UBA7: variants seen among roughly 807,000 people sequenced by gnomAD.
UBA7 encodes the protein ubiquitin like modifier activating enzyme 7.
UBA7 carries 88 observed loss-of-function variants against 113.0 expected under a neutral mutation model. The ratio of observed to expected loss-of-function variants is 0.78; its 90% confidence interval spans 0.66 to 0.93. The LOEUF (loss-of-function observed/expected upper bound fraction) is 0.93. Among genes scored for constraint, UBA7 ranks in the 40% least tolerant of loss-of-function variants. UBA7 has a pLI of 0.00. For synonymous variants in UBA7, 459 were observed against 513.0 expected (o/e 0.89, Z 1.42); for missense variants, 1,092 against 1,266.4 (o/e 0.86, Z 2.09).
At position 49,811,362 on chromosome 3, in the gene UBA7, G is replaced by A. The variant is rs61760189; in HGVS notation, c.1033C>T (p.Leu345=). 9 of 1,614,040 alleles carry A rather than the reference G, an allele frequency of 5.6e-6. No homozygotes were observed. Among genetic ancestry groups the A allele is most frequent in the Non-Finnish European group, 7.6e-6 (9 of 1,180,016 alleles). The part of the protein sequence containing the change: ...EPLEEPLDEA[L]VRTVALSSAG... The stretch of plus-strand genomic sequence containing the variant: ...CTGCTTAGGGCGACTGTCCGCACTA[G>A]GGCCTCATCCAGTGGCTCTTCCAGT... Residue 345 remains leucine, a synonymous_variant, in exon 9 of 24, where the codon CTA becomes TTA. Coordinates refer to ENST00000333486, the MANE Select transcript of UBA7 (RefSeq NM_003335.3).
At position 49,805,452 on chromosome 3, in the gene UBA7, T is replaced by G. The variant is rs79296174; in HGVS notation, c.2910-15A>C. 7.0e-7 allele frequency: 1 copy of G among 1,433,796 alleles called. No homozygotes were observed. 88.8% of individuals were successfully genotyped at this position (1,433,796 alleles called of 1,614,324 possible). On this transcript the variant is annotated splice_polypyrimidine_tract_variant and intron_variant, in intron 23 of 23. Coordinates refer to ENST00000333486, the MANE Select transcript of UBA7 (RefSeq NM_003335.3). ...GTTCTGTCACCCTGGTAGGGGTGGG[T>G]TTAGGGGAGATTGGAGAGGTGAGCC... is the stretch of plus-strand genomic sequence containing the variant.
Position 49,812,587 on chromosome 3 carries a change from T to A in UBA7, c.559-44A>T, listed in dbSNP as rs200929679. The A allele has an allele frequency of 2.4e-4, 380 of 1,613,930 alleles. 1 individual carries two copies. The highest frequency in any genetic ancestry group is 1.2e-4 in the Admixed American group (7 of 59,988). ...GGCTCAGGGTTGCCTGGACCTGCCTTCCACAGGCCCTGGCAGCCTCTCCTT... is the reference window on the plus strand; with the variant it reads ...GGCTCAGGGTTGCCTGGACCTGCCTACCACAGGCCCTGGCAGCCTCTCCTT... On this transcript the variant is annotated intron_variant, in intron 5 of 23. Transcript: ENST00000333486.
Position 49,809,569 on chromosome 3 carries a change from C to T in UBA7, c.2061G>A (p.Gln687=), listed in dbSNP as rs1273021921. Residue 687 remains glutamine (Q), a synonymous_variant, in exon 16 of 24, where the codon CAG becomes CAA. Transcript: ENST00000333486. Reference sequence around the variant, plus strand: ...TATTAGGTGGGAAGTGCCTCAGCAGCTGTTTGATGCCATAATGAAAGCAGA... The same window carrying T: ...TATTAGGTGGGAAGTGCCTCAGCAGTTGTTTGATGCCATAATGAAAGCAGA... ...WKLCFHYGIK[Q]LLRHFPPNKV... is the part of the protein sequence containing the mutation. The T allele has an allele frequency of 1.2e-5, 20 of 1,614,032 alleles. No homozygotes were observed. Among genetic ancestry groups the T allele is most frequent in the Non-Finnish European group, 1.7e-5 (20 of 1,180,050 alleles).
rs1368476147 is a variant in UBA7, at chr3:49,807,665, G to A, written c.2715+71C>T. On this transcript the variant is annotated intron_variant, in intron 21 of 23. Transcript: ENST00000333486. This position sits in a 1 kb window ranked among gnomAD's most constrained non-coding sequence, Gnocchi z 4.0. ...TTCAGTGAGAGCCGGCAGCTAGATT[G>A]GGGCCTGTATGGGCAGGTGCAGGGG... The A allele has an allele frequency of 2.0e-6, 3 of 1,505,932 alleles. No homozygotes were observed. Among genetic ancestry groups the A allele is most frequent in the South Asian group, 2.7e-5 (2 of 75,258 alleles). The allele number at this position is 1,505,932 out of a possible 1,614,324, so 93.3% of individuals were successfully genotyped here. A position where few individuals can be genotyped will look rare whatever the true frequency, so the allele number is the denominator to read the frequency against.
At position 49,809,113 on chromosome 3, in the gene UBA7, T is replaced by C. The variant is rs1364417586; in HGVS notation, c.2210A>G (p.Gln737Arg). The change falls in exon 18 of 24, where the codon CAG becomes CGG. Residue 737 changes from glutamine (Q) to arginine (R), a missense_variant. Physicochemically the swap from Gln to Arg is conservative, Grantham distance 43. Coordinates refer to ENST00000333486, the MANE Select transcript of UBA7 (RefSeq NM_003335.3). ...CTGTGAGCCAGGCAGCCCATGCATC[T>C]GGGCATACAGGTTGGCAGCTGCCAG... Reference protein sequence around the residue: ...YVLAAANLYAQMHGLPGSQDW... With the variant: ...YVLAAANLYARMHGLPGSQDW... 7 of 1,613,476 alleles carry C rather than the reference T, an allele frequency of 4.3e-6. No homozygotes were observed. Among genetic ancestry groups the C allele is most frequent in the Non-Finnish European group, 1.7e-6 (2 of 1,179,852 alleles).
intron 4 of UBA7, 66 bp from the exon 5 acceptor site, chr3:49,812,804 G>A: frequency 6.4e-7 from 1 of 1,562,644 alleles, no homozygotes; most frequent in Non-Finnish European, 8.8e-7. Flanking sequence ...GGGGATACTA[G>A]GGCAGGGCCA....
chr3:49,809,660 C>T lies in UBA7; in HGVS notation c.1970G>A (p.Gly657Glu). The T allele has an allele frequency of 6.2e-7, 1 of 1,614,130 alleles. No homozygotes were observed. The highest frequency in any genetic ancestry group is 8.5e-7 in the Non-Finnish European group (1 of 1,180,036). Residue 657 changes from glycine to glutamate, a missense_variant, in exon 16 of 24, where the codon GGG (glycine) becomes GAG (glutamate). This residue lies in a region of UBA7 where 500 missense variants were observed against 529.3 expected (regional missense o/e 0.94). Transcript: ENST00000333486. ...GTTCTGTGGACGCACTCTCAGGACC[C>T]CAAGCACTGGCTTCAGTAAGGTGAG... ...QTLTLLKPVL[G>E]VLRVRPQNWQ...
At position 49,812,035 on chromosome 3, in the gene UBA7, C is replaced by T. The variant is rs1469151984; in HGVS notation, c.793-19G>A. 2 of 1,614,084 alleles carry T rather than the reference C, an allele frequency of 1.2e-6. No homozygotes were observed. Among genetic ancestry groups the T allele is most frequent in the Non-Finnish European group, 1.7e-6 (2 of 1,180,036 alleles). ...GGGACTTCTGCAAGGGCACCTGGCT[C>T]AGGGTCTAGTCCAGAATGCTATGGG... On this transcript the variant is annotated intron_variant, in intron 7 of 23. Transcript: ENST00000333486.
intron 8 of UBA7, 82 bp from the exon 9 acceptor site, chr3:49,811,537 A>G: frequency 6.6e-7 from 1 of 1,513,972 alleles, no homozygotes; most frequent in Non-Finnish European, 8.9e-7. Flanking sequence ...CCCTCCATCC[A>G]CCCTGTTCCA....
rs1166811271 is a variant in UBA7, at chr3:49,805,336, G to A, written c.3011C>T (p.Ala1004Val). The A allele has an allele frequency of 8.1e-6, 13 of 1,613,866 alleles. No individual in the cohort carries two copies. Among genetic ancestry groups the A allele is most frequent in the Non-Finnish European group, 1.1e-5 (13 of 1,180,012 alleles). ...LSCEGDDEDT[A>V]FPPLHYEL ...CAGCTCATAGTGCAGAGGTGGGAAGGCAGTGTCCTCGTCGTCACCCTCACA... is the reference window on the plus strand; with the variant it reads ...CAGCTCATAGTGCAGAGGTGGGAAGACAGTGTCCTCGTCGTCACCCTCACA... Residue 1004 changes from alanine (A) to valine (V), a missense_variant, in exon 24 of 24, where the codon GCC becomes GTC. Physicochemically the swap from Ala to Val is moderately conservative, Grantham distance 64. Transcript: ENST00000333486.
In UBA7 at chr3:49,807,921, G is replaced by A. The variant is rs368889184; in HGVS notation, c.2530C>T (p.Arg844Ter). The A allele has an allele frequency of 1.1e-5, 18 of 1,612,216 alleles. No individual in the cohort carries two copies. Among genetic ancestry groups the A allele is most frequent in the Middle Eastern group, 1.7e-4 (1 of 6,058 alleles). The change falls in exon 21 of 24, where the codon CGA becomes TGA. Residue 844 changes from arginine to a stop codon, truncating the protein, a stop_gained. Coordinates refer to ENST00000333486, the MANE Select transcript of UBA7 (RefSeq NM_003335.3). LOFTEE classifies it high-confidence loss of function. The surrounding 1 kb of genome is among the most constrained non-coding windows in gnomAD (Gnocchi z 4.0). ...IPPVNRAQSKRIVGQIIPAIA... is the reference protein window; with the variant it reads ...IPPVNRAQSK ...GCTGGGATAATCTGGCCCACAATTC[G>A]CTTGCTCTGCCAAGGACAAGAGATT...
rs748785434 is a variant in UBA7 at position 49,809,055 on chromosome 3, C to T, written c.2268G>A (p.Leu756=). Reference sequence around the variant, plus strand: ...TCTGTTGGGGGTCAGGCTGTGGCAGCAGCTTCAGCAGCTCCCTGAGTGCAG... The same window carrying T: ...TCTGTTGGGGGTCAGGCTGTGGCAGTAGCTTCAGCAGCTCCCTGAGTGCAG... ...DWTALRELLK[L]LPQPDPQQMA... The change falls in exon 18 of 24, where the codon CTG becomes CTA. Residue 756 remains leucine (L), a synonymous_variant. Coordinates refer to ENST00000333486, the MANE Select transcript of UBA7 (RefSeq NM_003335.3). 6.2e-7 allele frequency: 1 copy of T among 1,613,766 alleles called. No individual in the cohort carries two copies. Among genetic ancestry groups the T allele is most frequent in the South Asian group, 1.1e-5 (1 of 91,004 alleles).
chr3:49,807,071 C>T lies in UBA7; in HGVS notation c.2715+665G>A, dbSNP rs1291940384. ...GGCACAAGGCTGGAGGCATTCACAGCGCTGCAGTCACAGGAACACAAATGC... is the reference window on the plus strand; with the variant it reads ...GGCACAAGGCTGGAGGCATTCACAGTGCTGCAGTCACAGGAACACAAATGC... On this transcript the variant is annotated intron_variant, in intron 21 of 23. Transcript: ENST00000333486. This position sits in a 1 kb window ranked among gnomAD's most constrained non-coding sequence, Gnocchi z 4.0. Among the ~76,000 whole-genome samples the T allele has an allele frequency of 1.3e-5, 2 of 152,194 alleles. No homozygotes were observed. The highest frequency in any genetic ancestry group is 1.9e-4 in the East Asian group (1 of 5,188).
chr3:49,809,428 T>C lies in UBA7; in HGVS notation c.2125A>G (p.Lys709Glu). 6.2e-7 allele frequency: 1 copy of C among 1,614,040 alleles called. No individual in the cohort carries two copies. Among genetic ancestry groups the C allele is most frequent in the Non-Finnish European group, 8.5e-7 (1 of 1,179,884 alleles). The change falls in exon 17 of 24, where the codon AAA becomes GAA. Residue 709 changes from lysine (K) to glutamate (E), a missense_variant. By Grantham distance (56) the Lys-to-Glu change is moderately conservative. Transcript: ENST00000333486. ...EDGTPFWSGP[K>E]QCPQPLEFDT... is the part of the protein sequence containing the mutation. ...AACTCCAAGGGCTGGGGACACTGTT[T>C]GGGACCTGACCAGAAGGGAGTTCCA...
chr3:49,811,665 C>A (rs1283914551), intron 8 of UBA7: 1 of 1,101,298 alleles, frequency 9.1e-7, no homozygotes, highest in Non-Finnish European at 1.3e-6. Flanking sequence ...AATCTGAGTG[C>A]AGCTTCCAGC....
chr3:49,806,277 AG>A (rs2081450300), intron 21 of UBA7, 112 bp from the exon 22 acceptor site: 3 of 613,284 alleles, frequency 4.9e-6, no homozygotes, highest in Non-Finnish European at 5.5e-6. Context: ...AACAGGAGCC[AG>A]GGGGTGGGGG....
chr3:49,813,075 G>C lies in UBA7; in HGVS notation c.454C>G (p.Arg152Gly), dbSNP rs148849452. The C allele has an allele frequency of 1.2e-6, 2 of 1,613,524 alleles. No individual in the cohort carries two copies. The highest frequency in any genetic ancestry group is 2.7e-5 in the African/African-American group (2 of 75,034). The part of the protein sequence containing the change: ...HGVCFLAADT[R>G]GLVGQLFCDF... The stretch of plus-strand genomic sequence containing the variant: ...AGTCTTACTCACCCCACGAGGCCCC[G>C]GGTGTCAGCCGCCAGAAAGCAAACT... The change falls in exon 4 of 24, where the codon CGG (arginine) becomes GGG (glycine). Residue 152 changes from arginine to glycine, a missense_variant. Coordinates refer to ENST00000333486, the MANE Select transcript of UBA7 (RefSeq NM_003335.3).
In UBA7 at chr3:49,805,404, C is replaced by G. The variant is rs748760090; in HGVS notation, c.2943G>C (p.Gln981His). 9 of 1,613,276 alleles carry G rather than the reference C, an allele frequency of 5.6e-6. No homozygotes were observed. Among genetic ancestry groups the G allele is most frequent in the Non-Finnish European group, 7.6e-6 (9 of 1,179,902 alleles). ...VTELVQQLTG[Q>H]APAPGQRVLV... is the part of the protein sequence containing the mutation. ...ACACCCGCTGCCCAGGAGCAGGTGCCTGGCCTGTCAGCTGCTGAACCAGTT... is the reference window on the plus strand; with the variant it reads ...ACACCCGCTGCCCAGGAGCAGGTGCGTGGCCTGTCAGCTGCTGAACCAGTT... Residue 981 changes from glutamine (Q) to histidine (H), a missense_variant, in exon 24 of 24, where the codon CAG becomes CAC. Gln to His is a conservative substitution (Grantham distance 24). Transcript: ENST00000333486.
At chr3:49,812,800 A>G in intron 4 of UBA7, 62 bp from the exon 5 acceptor site, 1 of 1,574,788 alleles carries the variant, frequency 6.4e-7, no homozygotes, top group Non-Finnish European at 8.7e-7. Flanking sequence ...GATAGGGGAT[A>G]CTAGGGCAGG....
Sources: allele counts gnomAD v4.1 joint callset (sites outside exome capture counted in the v4.1 genomes callset), GRCh38; gene constraint gnomAD v4.1.1; regional missense constraint gnomAD v4.1.1; non-coding constraint Gnocchi (gnomAD v3.1); transcripts MANE v1.5; gene names NCBI Gene and HGNC (gene_info 2026-07-23, HGNC 2026-07-21).